MAP3K19: variants seen among roughly 807,000 people sequenced by gnomAD.
MAP3K19 encodes the protein SPS1/STE20-related protein kinase YSK4.
In MAP3K19, 91 loss-of-function variants were observed where a neutral mutation model predicts 114.4. The observed-to-expected ratio is 0.80, with a 90% CI of 0.67 to 0.95. The LOEUF (loss-of-function observed/expected upper bound fraction) is 0.95, where lower values mean the gene tolerates loss of function less well. Ranked by LOEUF, MAP3K19 falls within the 40% of genes least tolerant of loss-of-function variation. MAP3K19 has a pLI of 0.00. For missense variants in MAP3K19, 1,471 were observed against 1,573.2 expected (o/e 0.94, Z 1.10); for synonymous variants, 518 against 530.5 (o/e 0.98, Z 0.32).
At position 135,024,675 on chromosome 2, in the gene MAP3K19, T is replaced by G. The variant is rs370559409; in HGVS notation, c.-28A>C. On this transcript the variant is annotated 5_prime_UTR_variant, in exon 4 of 13. Transcript: ENST00000392915. ...AAATGTCCAAAAGCTGCTGTTTCTTTGAACTCTCTATTTGTGACACATAAT... is the reference window on the plus strand; with the variant it reads ...AAATGTCCAAAAGCTGCTGTTTCTTGGAACTCTCTATTTGTGACACATAAT... 11 of 1,609,412 alleles carry G rather than the reference T, an allele frequency of 6.8e-6. No homozygotes were observed. The South Asian group carries it at 9.9e-5, about 14-fold the overall frequency.
intron 3 of MAP3K19, among the ~76,000 whole-genome samples, chr2:135,027,329 T>TAAAGAAAG (rs58597332): frequency 1.0e-5 from 1 of 98,624 alleles, no homozygotes; most frequent in South Asian, 2.7e-4. Context: ...GACAGAGAAA[T>TAAAGAAAG]AAAGAAAGAA....
At chr2:135,001,352 G>A (rs1458734003) in intron 6 of MAP3K19, among the ~76,000 whole-genome samples, 1 of 152,152 alleles carries the variant, frequency 6.6e-6, no homozygotes, top group Non-Finnish European at 1.5e-5. Context: ...AGTTTCCCTG[G>A]AATAGTCCAT....
At chr2:135,007,086 C>T (rs991618391) in intron 5 of MAP3K19, among the ~76,000 whole-genome samples, 1 of 151,242 alleles carries the variant, frequency 6.6e-6, no homozygotes, top group African/African-American at 2.4e-5. Context: ...ATCATTTGAG[C>T]CATAGGAGGT....
At chr2:134,982,057 C>T (rs995280670) in intron 11 of MAP3K19, among the ~76,000 whole-genome samples, 2 of 150,434 alleles carry the variant, frequency 1.3e-5, no homozygotes, top group African/African-American at 4.9e-5. Context: ...TGCCACCACA[C>T]CTGGCTAATT....
intron 8 of MAP3K19, 128 bp downstream of exon 8, chr2:134,998,610 C>T (rs1686199662): frequency 1.0e-6 from 1 of 969,978 alleles, no homozygotes; most frequent in Non-Finnish European, 1.5e-6. Flanking sequence ...ATGTAAATTA[C>T]ACAAGGGCTG....
chr2:134,984,838 G>A (rs1480409728), intron 10 of MAP3K19, among the ~76,000 whole-genome samples: 2 of 152,148 alleles, frequency 1.3e-5, no homozygotes, highest in African/African-American at 4.8e-5. Context: ...TGTAATCCCA[G>A]CTACTTGGGA....
chr2:135,045,606 A>AT (rs1346697715), intron 1 of MAP3K19, among the ~76,000 whole-genome samples: 2 of 152,070 alleles, frequency 1.3e-5, no homozygotes, highest in Non-Finnish European at 2.9e-5. Flanking sequence ...AACTTCAAAC[A>AT]TTTTTCCCCC....
rs561154467 is a variant in MAP3K19 at position 134,991,909 on chromosome 2, T to C, written c.575-329A>G. ...CCCAGTTCCTCACAGGGCAACGTGA[T>C]GAGAGCCGGGTGTTGACCTGCACAG... On this transcript the variant is annotated intron_variant, in intron 8 of 12. Coordinates refer to ENST00000392915, the MANE Select transcript of MAP3K19 (RefSeq NM_025052.5). Among the ~76,000 whole-genome samples the C allele has an allele frequency of 1.1e-3, 171 of 152,252 alleles. 1 individual carries two copies. Among genetic ancestry groups the C allele is most frequent in the African/African-American group, 4.0e-3 (167 of 41,534 alleles).
intron 12 of MAP3K19, among the ~76,000 whole-genome samples, chr2:134,979,881 G>A (rs536715495): frequency 2.6e-5 from 4 of 152,166 alleles, no homozygotes; most frequent in Non-Finnish European, 4.4e-5. Flanking sequence ...TTGGCAGAGA[G>A]GGAGACCTGT....
intron 5 of MAP3K19, among the ~76,000 whole-genome samples, chr2:135,012,223 C>T (rs972935056): frequency 6.6e-6 from 1 of 151,228 alleles, no homozygotes; most frequent in African/African-American, 2.4e-5. Flanking sequence ...TGTTTAGGAG[C>T]GTCCCTGGCT....
At chr2:135,041,660 A>T (rs1688648157) in intron 1 of MAP3K19, among the ~76,000 whole-genome samples, 1 of 152,140 alleles carries the variant, frequency 6.6e-6, no homozygotes, top group Admixed American at 6.5e-5. Context: ...ACAGCACGAC[A>T]TCCTTTGTCA....
chr2:135,011,755 T>A (rs991248306), intron 5 of MAP3K19, among the ~76,000 whole-genome samples: 8 of 151,994 alleles, frequency 5.3e-5, no homozygotes, highest in Non-Finnish European at 8.8e-5. Context: ...TGATCATAGC[T>A]CACTGTAACT....
At chr2:135,014,150 C>T (rs1411734286) in intron 5 of MAP3K19, among the ~76,000 whole-genome samples, 3 of 152,040 alleles carry the variant, frequency 2.0e-5, no homozygotes, top group Non-Finnish European at 2.9e-5. Flanking sequence ...GCCAGGAGTT[C>T]GAGATCAGCC....
At chr2:135,041,297 C>T (rs1409080112) in intron 1 of MAP3K19, among the ~76,000 whole-genome samples, 1 of 151,322 alleles carries the variant, frequency 6.6e-6, no homozygotes, top group Non-Finnish European at 1.5e-5. Flanking sequence ...TCTCAAATTG[C>T]AATTTTGGAG....
chr2:135,032,708 A>T (rs1250741468), intron 2 of MAP3K19, among the ~76,000 whole-genome samples: 2 of 146,254 alleles, frequency 1.4e-5, no homozygotes, highest in Admixed American at 1.4e-4. Flanking sequence ...GAAGGTCAGC[A>T]GATAAACAAG....
In MAP3K19 at chr2:134,997,817, C is replaced by CAAAAAAAAA. The variant is rs1187957592; in HGVS notation, c.574+912_574+920dup. Among the ~76,000 whole-genome samples the CAAAAAAAAA allele has an allele frequency of 7.7e-5, 7 of 91,024 alleles. 1 individual carries two copies. Among genetic ancestry groups the CAAAAAAAAA allele is most frequent in the South Asian group, 4.6e-4 (1 of 2,158 alleles). The allele number at this position is 91,024 out of a possible 152,430, so 59.7% of individuals were successfully genotyped here. On this transcript the variant is annotated intron_variant, in intron 8 of 12. Transcript: ENST00000392915. Reference sequence around the variant, plus strand: ...CTGGTGACAGAGCGAGACTCCGTCTCAAAAAAAAAAAAACTTTAAGCACTG... The same window carrying CAAAAAAAAA: ...CTGGTGACAGAGCGAGACTCCGTCTCAAAAAAAAAAAAAAAAAAAAAACTTTAAGCACTG...
At chr2:135,037,129 T>G (rs1688549047) in intron 2 of MAP3K19, among the ~76,000 whole-genome samples, 1 of 152,138 alleles carries the variant, frequency 6.6e-6, no homozygotes, top group Non-Finnish European at 1.5e-5. Flanking sequence ...CTGTAGTAGC[T>G]GAGATTACAG....
intron 1 of MAP3K19, among the ~76,000 whole-genome samples, chr2:135,043,187 A>G (rs921859): frequency 0.27 from 40,307 of 152,020 alleles, 7,214 homozygotes; most frequent in African/African-American, 0.48. Context: ...TCCAGGAACT[A>G]AGGGAGGACC....
rs996136919 is a variant in MAP3K19 at position 135,029,068 on chromosome 2, T to A, written c.-95+1244A>T. ...GTTCCTAATGTTTAGGGGTTAAAAA[T>A]GTGGCTATAAAAACAGACATTGGGC... is the stretch of plus-strand genomic sequence containing the variant. On this transcript the variant is annotated intron_variant, in intron 3 of 12. Coordinates refer to ENST00000392915, the MANE Select transcript of MAP3K19 (RefSeq NM_025052.5). Among the ~76,000 whole-genome samples, 4 of 152,266 alleles carry A rather than the reference T, an allele frequency of 2.6e-5. No homozygotes were observed. The South Asian group carries it at 8.3e-4, about 32-fold the overall frequency.
Sources: gnomAD v4.1 joint callset for allele counts (sites outside exome capture counted in the v4.1 genomes callset) on GRCh38, gnomAD v4.1.1 for gene constraint, MANE v1.5 for transcripts, NCBI Gene and HGNC (gene_info 2026-07-23, HGNC 2026-07-21) for gene names.